Variants in ME3 observed in about 807,000 individuals in gnomAD.
The protein encoded by ME3 is malic enzyme 3.
Under a neutral mutation model 68.9 loss-of-function variants are expected in ME3, and 48 were observed. The ratio of observed to expected loss-of-function variants is 0.70; its 90% CI spans 0.55 to 0.89. The LOEUF is 0.89. Among genes scored for constraint, ME3 ranks in the 40% least tolerant of loss-of-function variants. The pLI is 0.00. For synonymous variants in ME3, 320 were observed against 318.8 expected (o/e 1.00, Z -0.04); for missense variants, 675 against 797.4 (o/e 0.85, Z 1.85).
intron 7 of ME3, among the ~76,000 whole-genome samples, chr11:86,479,823 T>TTTCTTTC (rs1320366072): frequency 3.3e-4 from 1 of 3,022 alleles, no homozygotes; most frequent in Non-Finnish European, 1.5e-3. Context: ...TTTTTCTTTC[T>TTTCTTTC]TTTTTTTTTG....
chr11:86,634,637 A>G (rs1944219156), intron 2 of ME3, among the ~76,000 whole-genome samples: 1 of 152,204 alleles, frequency 6.6e-6, no homozygotes, highest in Non-Finnish European at 1.5e-5. Context: ...TGAAGGCTCA[A>G]GTTAGAGACA....
intron 4 of ME3, among the ~76,000 whole-genome samples, chr11:86,538,747 T>G (rs1048304788): frequency 1.3e-5 from 2 of 152,180 alleles, no homozygotes; most frequent in African/African-American, 4.8e-5. Flanking sequence ...CAAAACTTGC[T>G]TTGAAATTAG....
chr11:86,527,939 T>C (rs909420176), intron 4 of ME3, among the ~76,000 whole-genome samples: 1 of 152,144 alleles, frequency 6.6e-6, no homozygotes. Flanking sequence ...AGGAAGAAAC[T>C]GCATCAACTA....
intron 6 of ME3, among the ~76,000 whole-genome samples, chr11:86,496,557 A>G (rs1253412724): frequency 2.0e-5 from 3 of 152,232 alleles, no homozygotes; most frequent in East Asian, 3.8e-4. Context: ...TGAATCAAGA[A>G]TTTACAAAAT....
In ME3 at chr11:86,547,673, TAAG is replaced by T. The variant is rs200381709; in HGVS notation, c.467+8877_467+8879del. Among the ~76,000 whole-genome samples, 943 of 151,782 alleles carry T rather than the reference TAAG, an allele frequency of 6.2e-3. 4 individuals carry two copies. Among genetic ancestry groups the T allele is most frequent in the Middle Eastern group, 0.014 (4 of 294 alleles). ...AATTCAAAACCAAAAACAAAAAAAA[TAAG>T]AAGCCACTCTTTTTAGACAAAACTC... On this transcript the variant is annotated intron_variant, in intron 4 of 14. Transcript: ENST00000543262.
intron 8 of ME3, among the ~76,000 whole-genome samples, chr11:86,458,967 GA>G (rs1421050000): frequency 6.6e-6 from 1 of 152,190 alleles, no homozygotes; most frequent in East Asian, 1.9e-4. Flanking sequence ...TCTTGGCTGA[GA>G]ACCCTACCCC....
chr11:86,535,859 A>G (rs1043903715), intron 4 of ME3, among the ~76,000 whole-genome samples: 2 of 152,192 alleles, frequency 1.3e-5, no homozygotes, highest in African/African-American at 4.8e-5. Flanking sequence ...CATCAGAAAA[A>G]TAAAACTTCT....
At chr11:86,672,036 T>C in intron 1 of ME3, 78 bp from the exon 2 acceptor site, 1 of 1,177,414 alleles carries the variant, frequency 8.5e-7, no homozygotes, top group Non-Finnish European at 1.1e-6. Context: ...GCACCGGGCC[T>C]GATCCGGGGA....
intron 13 of ME3, among the ~76,000 whole-genome samples, chr11:86,443,878 T>C (rs1949141689): frequency 6.6e-6 from 1 of 152,222 alleles, no homozygotes; most frequent in Non-Finnish European, 1.5e-5. Context: ...CAGACCTTTA[T>C]ATGGCTCCTT....
chr11:86,572,450 A>G (rs573633012), intron 2 of ME3, among the ~76,000 whole-genome samples: 2 of 152,148 alleles, frequency 1.3e-5, no homozygotes, highest in South Asian at 4.2e-4. Flanking sequence ...CCACTGCCCA[A>G]CAGGCCCCGA....
At chr11:86,610,261 A>T (rs1203935268) in intron 2 of ME3, among the ~76,000 whole-genome samples, 1 of 152,158 alleles carries the variant, frequency 6.6e-6, no homozygotes, top group East Asian at 1.9e-4. Flanking sequence ...TCATTTAAAA[A>T]ACTAGATGAT....
intron 6 of ME3, among the ~76,000 whole-genome samples, chr11:86,493,213 A>G (rs1952105974): frequency 6.6e-6 from 1 of 152,150 alleles, no homozygotes; most frequent in South Asian, 2.1e-4. Flanking sequence ...CCAAAGCACT[A>G]TTTACCAGGC....
At chr11:86,595,233 AT>A (rs1450198083) in intron 2 of ME3, among the ~76,000 whole-genome samples, 1 of 143,462 alleles carries the variant, frequency 7.0e-6, no homozygotes, top group Non-Finnish European at 1.5e-5. Flanking sequence ...ATATTTTTGG[AT>A]TGTTTATCAC....
chr11:86,528,714 G>A lies in ME3; in HGVS notation c.468-19847C>T, dbSNP rs528973445. 4.3e-3 allele frequency among the ~76,000 whole-genome samples: 654 copies of A among 151,226 alleles called. 1 individual carries two copies. The highest frequency in any genetic ancestry group is 8.9e-3 in the African/African-American group (365 of 40,832). On this transcript the variant is annotated intron_variant, in intron 4 of 14. Transcript: ENST00000543262. ...AGGATTAAGAAACTCACTCAAAACCGCTCAACTACATGGAAACTGAACAAA... is the reference window on the plus strand; with the variant it reads ...AGGATTAAGAAACTCACTCAAAACCACTCAACTACATGGAAACTGAACAAA...
At chr11:86,582,629 A>G (rs1958507229) in intron 2 of ME3, among the ~76,000 whole-genome samples, 1 of 152,200 alleles carries the variant, frequency 6.6e-6, no homozygotes, top group African/African-American at 2.4e-5. Context: ...ATGAGCAGCA[A>G]TGACAAGAAG....
chr11:86,454,067 C>T (rs7122239), intron 8 of ME3, among the ~76,000 whole-genome samples: 96,968 of 152,120 alleles, frequency 0.64, 31,197 homozygotes, highest in South Asian at 0.78. Flanking sequence ...CAACACTCCA[C>T]GATGGTGAAA....
At chr11:86,470,969 C>T (rs1282021767) in intron 7 of ME3, among the ~76,000 whole-genome samples, 2 of 152,118 alleles carry the variant, frequency 1.3e-5, no homozygotes, top group East Asian at 3.9e-4. Flanking sequence ...GGCCCCAGCT[C>T]TATTGCTGAA....
At chr11:86,504,516 G>A (rs1351613393) in intron 5 of ME3, among the ~76,000 whole-genome samples, 4 of 145,684 alleles carry the variant, frequency 2.7e-5, no homozygotes, top group South Asian at 4.5e-4. Context: ...TCAGCCTCCC[G>A]AGAAGCTGGG....
At chr11:86,534,390 T>C (rs1955501259) in intron 4 of ME3, among the ~76,000 whole-genome samples, 1 of 152,144 alleles carries the variant, frequency 6.6e-6, no homozygotes, top group Non-Finnish European at 1.5e-5. Flanking sequence ...AACACTTAGC[T>C]TAGGCTGGGC....
Sources: gnomAD v4.1 joint callset for allele counts (sites outside exome capture counted in the v4.1 genomes callset) on GRCh38, gnomAD v4.1.1 for gene constraint, MANE v1.5 for transcripts, NCBI Gene and HGNC (gene_info 2026-07-23, HGNC 2026-07-21) for gene names.